Variants in CDH4 observed in about 807,000 individuals in gnomAD.
CDH4 encodes the protein cadherin 4.
CDH4 carries 33 observed loss-of-function variants against 86.0 expected under a neutral mutation model. That is an observed-to-expected ratio of 0.38 (90% CI 0.29 to 0.51). CDH4 has a LOEUF of 0.51. Among genes scored for constraint, CDH4 ranks in the 20% least tolerant of loss-of-function variants. CDH4 has a pLI of 0.86. For missense variants in CDH4, 1,114 were observed against 1,307.4 expected, an observed-to-expected ratio of 0.85 and a Z score of 2.28; for synonymous variants, 555 against 549.4, an observed-to-expected ratio of 1.01 and a Z score of -0.14.
intron 2 of CDH4, among the ~76,000 whole-genome samples, chr20:61,495,453 C>A (rs1038604273): frequency 1.3e-5 from 2 of 152,164 alleles, no homozygotes; most frequent in Non-Finnish European, 2.9e-5. Context: ...TTGGTGGTAG[C>A]AGCTGTGCTG....
intron 2 of CDH4, among the ~76,000 whole-genome samples, chr20:61,725,737 G>C (rs188636740): frequency 8.9e-4 from 135 of 152,144 alleles, no homozygotes; most frequent in East Asian, 4.5e-3. Flanking sequence ...GAGACACAAG[G>C]GGGGAGGAGG....
At chr20:61,331,700 G>GAC (rs1568801296) in intron 2 of CDH4, among the ~76,000 whole-genome samples, 3 of 16,356 alleles carry the variant, frequency 1.8e-4, no homozygotes, top group Non-Finnish European at 3.9e-4. Context: ...CTGCCCCAGA[G>GAC]CCACCTCCTG....
intron 13 of CDH4, among the ~76,000 whole-genome samples, chr20:61,931,940 A>T (rs112332335): frequency 6.6e-6 from 1 of 151,684 alleles, no homozygotes; most frequent in African/African-American, 2.4e-5. Context: ...CCTCTGAGTG[A>T]CCCCCTCGGT....
At chr20:61,594,777 T>G (rs903066225) in intron 2 of CDH4, among the ~76,000 whole-genome samples, 1 of 152,192 alleles carries the variant, frequency 6.6e-6, no homozygotes, top group African/African-American at 2.4e-5. Context: ...CCCACACAGA[T>G]ACCTGAGGAA....
intron 2 of CDH4, among the ~76,000 whole-genome samples, chr20:61,660,038 C>T (rs935777982): frequency 7.6e-5 from 11 of 145,446 alleles, no homozygotes; most frequent in East Asian, 1.9e-4. Context: ...CTGTGATACC[C>T]GCTCCCAAGG....
intron 3 of CDH4, among the ~76,000 whole-genome samples, chr20:61,747,464 A>C (rs1045103782): frequency 6.7e-6 from 1 of 149,996 alleles, no homozygotes; most frequent in African/African-American, 2.5e-5. Context: ...AAAAAAAAAA[A>C]GACCCACAGA....
intron 2 of CDH4, among the ~76,000 whole-genome samples, chr20:61,682,137 T>C (rs918291632): frequency 4.6e-5 from 7 of 151,816 alleles, no homozygotes; most frequent in African/African-American, 1.5e-4. Context: ...AAGGAATGGG[T>C]GGATAGAGGG....
chr20:61,924,681 A>G (rs536262696), intron 11 of CDH4, among the ~76,000 whole-genome samples: 1 of 150,218 alleles, frequency 6.7e-6, no homozygotes, highest in African/African-American at 2.5e-5. Context: ...CTCCCCCTCC[A>G]CCCACTCCCA....
chr20:61,480,743 A>AT lies in CDH4; in HGVS notation c.169+225808dup, dbSNP rs1396955629. On this transcript the variant is annotated intron_variant, in intron 2 of 15. Transcript: ENST00000614565. The surrounding 1 kb of genome is among the most constrained non-coding windows in gnomAD (Gnocchi z 5.2). ...GCTGAGGCCTGTGGCCTGATGTTGC[A>AT]TTATCATTCCACCAAAAGAGGTCAC... Among the ~76,000 whole-genome samples the AT allele has an allele frequency of 1.4e-4, 21 of 152,242 alleles. No individual in the cohort carries two copies. The highest frequency in any genetic ancestry group is 1.4e-3 in the Admixed American group (21 of 15,292).
At chr20:61,767,759 T>TG (rs1332254098) in intron 3 of CDH4, among the ~76,000 whole-genome samples, 1 of 152,058 alleles carries the variant, frequency 6.6e-6, no homozygotes, top group Admixed American at 6.5e-5. Flanking sequence ...CTGTGGGGTA[T>TG]GGGACACTGC....
chr20:61,891,692 C>G (rs916783862), intron 7 of CDH4, among the ~76,000 whole-genome samples: 3 of 152,200 alleles, frequency 2.0e-5, no homozygotes, highest in Non-Finnish European at 4.4e-5. Context: ...TGGGCCTGGT[C>G]ACCAAGCCAC....
chr20:61,409,982 C>T (rs2085107839), intron 2 of CDH4, among the ~76,000 whole-genome samples: 1 of 152,234 alleles, frequency 6.6e-6, no homozygotes, highest in Admixed American at 6.5e-5. Context: ...AACTAGATAA[C>T]TCAGAAAAGT....
rs2085702599 is a variant in CDH4, at chr20:61,501,721, C to A, written c.170-241842C>A. 6.6e-6 allele frequency among the ~76,000 whole-genome samples: 1 copy of A among 152,160 alleles called. No homozygotes were observed. The highest frequency in any genetic ancestry group is 2.4e-5 in the African/African-American group (1 of 41,436). On this transcript the variant is annotated intron_variant, in intron 2 of 15. Coordinates refer to ENST00000614565, the MANE Select transcript of CDH4 (RefSeq NM_001794.5). The surrounding 1 kb of genome is among the most constrained non-coding windows in gnomAD (Gnocchi z 4.2). ...CTGGAATACTAGCTATCTTCACAAG[C>A]ACCACCCCGCCACTGCCTCCACCAT... is the stretch of plus-strand genomic sequence containing the variant.
At chr20:61,804,117 C>T (rs1979989956) in intron 4 of CDH4, among the ~76,000 whole-genome samples, 1 of 152,248 alleles carries the variant, frequency 6.6e-6, no homozygotes, top group Non-Finnish European at 1.5e-5. Flanking sequence ...AAGCTGGGAC[C>T]CGGAGCAGGT....
chr20:61,900,489 G>C (rs192500488), intron 8 of CDH4, among the ~76,000 whole-genome samples: 1 of 152,146 alleles, frequency 6.6e-6, no homozygotes, highest in Non-Finnish European at 1.5e-5. Flanking sequence ...TCCCAGAGAC[G>C]GCTGCAGAGG....
intron 2 of CDH4, among the ~76,000 whole-genome samples, chr20:61,493,486 C>T (rs577970849): frequency 2.6e-5 from 4 of 152,356 alleles, no homozygotes; most frequent in Non-Finnish European, 4.4e-5. Context: ...GGTGCTGATG[C>T]GCTGCCTTAG....
intron 2 of CDH4, among the ~76,000 whole-genome samples, chr20:61,607,408 C>T (rs1352681855): frequency 1.3e-5 from 2 of 152,124 alleles, no homozygotes; most frequent in Non-Finnish European, 2.9e-5. Context: ...GGAAAATACA[C>T]TTGATGTCTC....
chr20:61,252,734 C>A lies in CDH4; in HGVS notation c.57+164C>A, dbSNP rs763451281. Among the ~76,000 whole-genome samples, 10 of 151,048 alleles carry A rather than the reference C, an allele frequency of 6.6e-5. No individual in the cohort carries two copies. The highest frequency in any genetic ancestry group is 4.6e-4 in the Admixed American group (7 of 15,202). On this transcript the variant is annotated intron_variant, in intron 1 of 15. Transcript: ENST00000614565. The surrounding 1 kb of genome is among the most constrained non-coding windows in gnomAD (Gnocchi z 4.4). The stretch of plus-strand genomic sequence containing the variant: ...CGCCCGCGCTCGGCGAAGCTGCCTG[C>A]GGTCGGCAGGAGCGGGAAGCCGCCT...
At chr20:61,502,415 G>A (rs911947434) in intron 2 of CDH4, among the ~76,000 whole-genome samples, 1 of 152,170 alleles carries the variant, frequency 6.6e-6, no homozygotes, top group Admixed American at 6.5e-5. Context: ...GGCCTCTGAT[G>A]AGGCAAAGGT....
Sources: gnomAD v4.1 joint callset for allele counts (sites outside exome capture counted in the v4.1 genomes callset) on GRCh38, gnomAD v4.1.1 for gene constraint, Gnocchi (gnomAD v3.1) non-coding constraint, MANE v1.5 for transcripts, NCBI Gene and HGNC (gene_info 2026-07-23, HGNC 2026-07-21) for gene names.